The following CDH13 variants were observed in gnomAD, a reference collection of about 807,000 sequenced individuals.
CDH13 encodes cadherin 13, also known as cadherin-13.
CDH13 carries 24 observed loss-of-function variants against 63.8 expected under a neutral mutation model. The observed-to-expected ratio is 0.38, with a 90% CI of 0.27 to 0.53. CDH13 has a LOEUF of 0.53. Ranked by LOEUF, CDH13 falls within the 20% of genes least tolerant of loss-of-function variation. The probability of loss-of-function intolerance (pLI) is 0.85; values close to 1 mark genes in which losing one functional copy is unlikely to be tolerated. For synonymous variants in CDH13, 503 were observed against 355.3 expected, an observed-to-expected ratio of 1.42 and a Z score of -4.67; for missense variants, 1,049 against 903.1, an observed-to-expected ratio of 1.16 and a Z score of -2.07.
In CDH13 at chr16:83,062,289, C is replaced by G. The variant is rs139284200; in HGVS notation, c.366+30071C>G. Among the ~76,000 whole-genome samples the G allele has an allele frequency of 1.6e-3, 242 of 152,302 alleles. 1 individual carries two copies. Among genetic ancestry groups the G allele is most frequent in the South Asian group, 0.013 (62 of 4,824 alleles). Reference sequence around the variant, plus strand: ...ACAGTACCTCACTTGTGTGTGTTTTCCATTCATAGCATTTGTTACACTTTC... The same window carrying G: ...ACAGTACCTCACTTGTGTGTGTTTTGCATTCATAGCATTTGTTACACTTTC... On this transcript the variant is annotated intron_variant, in intron 3 of 13. Transcript: ENST00000567109.
intron 7 of CDH13, among the ~76,000 whole-genome samples, chr16:83,523,500 C>T (rs2074887903): frequency 6.6e-6 from 1 of 152,134 alleles, no homozygotes; most frequent in South Asian, 2.1e-4. Context: ...CCCTGGAATC[C>T]ACTGGAGCAG....
chr16:83,689,702 C>A (rs907754468), intron 10 of CDH13, among the ~76,000 whole-genome samples: 1 of 152,146 alleles, frequency 6.6e-6, no homozygotes, highest in Non-Finnish European at 1.5e-5. Context: ...CTAGAAGATC[C>A]GACCTTATAT....
At chr16:83,521,719 G>A (rs78687837) in intron 7 of CDH13, among the ~76,000 whole-genome samples, 1 of 152,282 alleles carries the variant, frequency 6.6e-6, no homozygotes, top group Non-Finnish European at 1.5e-5. Flanking sequence ...TTCCACCTAT[G>A]GGTTTTCCCA....
chr16:83,791,838 A>G (rs1404460541), intron 13 of CDH13, among the ~76,000 whole-genome samples: 1 of 150,236 alleles, frequency 6.7e-6, no homozygotes, highest in African/African-American at 2.4e-5. Flanking sequence ...AAAAGCCAAG[A>G]TGAGCAAAAG....
chr16:83,070,450 C>T (rs8058531), intron 3 of CDH13, among the ~76,000 whole-genome samples: 13,438 of 152,170 alleles, frequency 0.088, 664 homozygotes, highest in East Asian at 0.17. Context: ...GATTTCATTT[C>T]ACAACTTGCA....
intron 10 of CDH13, among the ~76,000 whole-genome samples, chr16:83,720,696 C>T (rs992804186): frequency 3.9e-5 from 6 of 152,166 alleles, no homozygotes; most frequent in African/African-American, 1.4e-4. Context: ...ACACCTTTGC[C>T]ACGCTCCACT....
At position 82,856,384 on chromosome 16, in the gene CDH13, A is replaced by AG. The variant is rs1567604702; in HGVS notation, c.46-1978_46-1977insG. ...AGAGAGACTCCATCTCAAAAAAAAA[A>AG]AAAAAGAAAAGAAAAGAAAAGAAAA... On this transcript the variant is annotated intron_variant, in intron 1 of 13. Transcript: ENST00000567109. Among the ~76,000 whole-genome samples, 6 of 122,278 alleles carry AG rather than the reference A, an allele frequency of 4.9e-5. No individual in the cohort carries two copies. In the South Asian group the frequency reaches 9.1e-4, roughly 19 times the overall value. 80.2% of individuals were successfully genotyped at this position (122,278 alleles called of 152,430 possible). A position where few individuals can be genotyped will look rare whatever the true frequency, so the allele number is the denominator to read the frequency against.
intron 2 of CDH13, among the ~76,000 whole-genome samples, chr16:82,964,700 C>T (rs1239737628): frequency 6.6e-6 from 1 of 152,066 alleles, no homozygotes; most frequent in African/African-American, 2.4e-5. Context: ...CAGGTGTAGC[C>T]AGTGTAATTT....
chr16:83,000,740 C>G (rs904395411), intron 2 of CDH13, among the ~76,000 whole-genome samples: 1 of 151,806 alleles, frequency 6.6e-6, no homozygotes, highest in African/African-American at 2.4e-5. Flanking sequence ...CCACCATGCC[C>G]GGCTAATTTT....
chr16:83,202,958 G>A (rs1304026352), intron 4 of CDH13, among the ~76,000 whole-genome samples: 1 of 152,200 alleles, frequency 6.6e-6, no homozygotes, highest in African/African-American at 2.4e-5. Flanking sequence ...AGGTACAGTG[G>A]CTCACGCCTG....
chr16:82,662,541 G>A (rs1912077259), intron 1 of CDH13, among the ~76,000 whole-genome samples: 1 of 152,186 alleles, frequency 6.6e-6, no homozygotes, highest in Admixed American at 6.5e-5. Context: ...CTTGTTGGGA[G>A]AAGAAGGGAG....
intron 5 of CDH13, among the ~76,000 whole-genome samples, chr16:83,293,530 A>T (rs1033516248): frequency 6.6e-6 from 1 of 152,206 alleles, no homozygotes; most frequent in African/African-American, 2.4e-5. Context: ...CGTCATCTTT[A>T]TAGACTCAGA....
At chr16:83,624,349 T>C (rs9924057) in intron 8 of CDH13, among the ~76,000 whole-genome samples, 86,355 of 146,032 alleles carry the variant, frequency 0.59, 26,573 homozygotes, top group African/African-American at 0.67. Context: ...CCCCCACCCC[T>C]GCCCCAGGTC....
At chr16:82,666,236 C>G (rs1327589714) in intron 1 of CDH13, among the ~76,000 whole-genome samples, 1 of 152,192 alleles carries the variant, frequency 6.6e-6, no homozygotes, top group Admixed American at 6.5e-5. Context: ...CTCCTGCAAT[C>G]AACCAGAAAC....
chr16:82,797,172 T>A (rs943143200), intron 1 of CDH13, among the ~76,000 whole-genome samples: 2 of 152,190 alleles, frequency 1.3e-5, no homozygotes, highest in African/African-American at 4.8e-5. Flanking sequence ...ACGTCACTCT[T>A]TCAGTGTGGG....
chr16:83,089,698 T>C (rs1285591617), intron 3 of CDH13, among the ~76,000 whole-genome samples: 1 of 152,216 alleles, frequency 6.6e-6, no homozygotes. Context: ...TCTGAATGTT[T>C]ATTTGCCATG....
At chr16:82,975,198 T>C (rs1019644663) in intron 2 of CDH13, among the ~76,000 whole-genome samples, 1 of 152,212 alleles carries the variant, frequency 6.6e-6, no homozygotes, top group East Asian at 1.9e-4. Context: ...CCCTGGCTGC[T>C]GTGGTTGGAT....
intron 2 of CDH13, among the ~76,000 whole-genome samples, chr16:82,947,171 A>G (rs1306851070): frequency 6.6e-6 from 1 of 152,140 alleles, no homozygotes; most frequent in Admixed American, 6.5e-5. Context: ...TGAGTGATCC[A>G]TCACACCTCA....
intron 5 of CDH13, among the ~76,000 whole-genome samples, chr16:83,294,678 AG>A (rs1215974990): frequency 6.6e-6 from 1 of 152,050 alleles, no homozygotes; most frequent in African/African-American, 2.4e-5. Flanking sequence ...GAACAAGGGA[AG>A]TGAATGATCT....
Sources: allele counts gnomAD v4.1 joint callset (sites outside exome capture counted in the v4.1 genomes callset), GRCh38; gene constraint gnomAD v4.1.1; transcripts MANE v1.5; gene names NCBI Gene and HGNC (gene_info 2026-07-23, HGNC 2026-07-21).